Variants in NME7 observed in about 807,000 individuals in gnomAD.
NME7 encodes the protein NME/NM23 family member 7, also known as nucleoside diphosphate kinase 7.
In NME7, 41 loss-of-function variants were observed where a neutral mutation model predicts 49.1. The ratio of observed to expected loss-of-function variants is 0.83; its 90% confidence interval spans 0.65 to 1.08. The LOEUF (loss-of-function observed/expected upper bound fraction) is 1.08. NME7 is among the 50% of genes least tolerant of loss of function. The probability of loss-of-function intolerance (pLI) is 0.00; values close to 1 mark genes in which losing one functional copy is unlikely to be tolerated. For synonymous variants in NME7, 139 were observed against 150.6 expected (o/e 0.92, Z 0.56); for missense variants, 423 against 463.4 (o/e 0.91, Z 0.80).
chr1:169,366,943 A>T (rs1439432845), intron 1 of NME7, among the ~76,000 whole-genome samples: 3 of 152,210 alleles, frequency 2.0e-5, no homozygotes, highest in Non-Finnish European at 4.4e-5. Flanking sequence ...CCAGTCCGTT[A>T]TCCATAAGTG....
At chr1:169,139,888 T>A (rs1658539234) in intron 11 of NME7, among the ~76,000 whole-genome samples, 1 of 152,178 alleles carries the variant, frequency 6.6e-6, no homozygotes, top group African/African-American at 2.4e-5. Context: ...CAATATGTGA[T>A]CCCTGACTGG....
At chr1:169,305,686 C>G (rs1371513759) in intron 4 of NME7, among the ~76,000 whole-genome samples, 1 of 152,096 alleles carries the variant, frequency 6.6e-6, no homozygotes. Context: ...AGCTGGTAAC[C>G]CAAGCTCACT....
At chr1:169,262,513 G>A (rs529381388) in intron 7 of NME7, among the ~76,000 whole-genome samples, 2 of 134,206 alleles carry the variant, frequency 1.5e-5, no homozygotes, top group Admixed American at 1.5e-4. Context: ...CTCCCAGGGG[G>A]AGAAAACAAA....
At chr1:169,278,520 T>C (rs200727529) in intron 7 of NME7, among the ~76,000 whole-genome samples, 10,345 of 151,840 alleles carry the variant, frequency 0.068, 1,422 homozygotes, top group East Asian at 0.66. Context: ...GTTCTCGAGC[T>C]TTGGCTTTCA....
chr1:169,207,560 G>A (rs1660706743), intron 10 of NME7, among the ~76,000 whole-genome samples: 2 of 152,026 alleles, frequency 1.3e-5, no homozygotes, highest in Non-Finnish European at 2.9e-5. Context: ...GAAAAAAAGA[G>A]ACAACAAAGA....
intron 10 of NME7, among the ~76,000 whole-genome samples, chr1:169,189,513 C>T (rs1315319388): frequency 1.3e-5 from 2 of 151,974 alleles, no homozygotes; most frequent in African/African-American, 2.4e-5. Flanking sequence ...ATTCAGCTTT[C>T]GCAACAGGAT....
At chr1:169,320,486 A>C (rs996009381) in intron 3 of NME7, among the ~76,000 whole-genome samples, 14 of 152,220 alleles carry the variant, frequency 9.2e-5, no homozygotes, top group African/African-American at 3.4e-4. Context: ...ATTGGTTCAA[A>C]AATTTTTCTC....
At chr1:169,335,553 G>A (rs1228109114) in intron 1 of NME7, among the ~76,000 whole-genome samples, 2 of 151,736 alleles carry the variant, frequency 1.3e-5, no homozygotes, top group Non-Finnish European at 2.9e-5. Context: ...GGCCTGTTGT[G>A]GGGTGGGGGA....
intron 1 of NME7, among the ~76,000 whole-genome samples, chr1:169,336,379 C>T (rs1652475060): frequency 6.6e-6 from 1 of 152,172 alleles, no homozygotes; most frequent in African/African-American, 2.4e-5. Context: ...CTTTTATTCT[C>T]TTATCTGGCC....
chr1:169,326,026 T>G (rs568881521), intron 1 of NME7, among the ~76,000 whole-genome samples: 3 of 152,062 alleles, frequency 2.0e-5, no homozygotes, highest in East Asian at 3.9e-4. Flanking sequence ...TTATTAAAAT[T>G]TTTACTATCC....
At chr1:169,285,065 GTATGTATGTGCA>G (rs2101893307) in intron 7 of NME7, 1 of 152,264 alleles carries the variant, frequency 6.6e-6, no homozygotes, top group African/African-American at 2.4e-5. Flanking sequence ...ATACACGGGT[GTATGTATGTGCA>G]TGTGTGTGTG....
At position 169,254,813 on chromosome 1, in the gene NME7, C is replaced by T. The variant is rs1395126635; in HGVS notation, c.755-17126G>A. Among the ~76,000 whole-genome samples the T allele has an allele frequency of 5.2e-5, 7 of 133,786 alleles. 1 individual carries two copies. The highest frequency in any genetic ancestry group is 3.6e-4 in the East Asian group (1 of 2,776). 87.8% of individuals were successfully genotyped at this position (133,786 alleles called of 152,430 possible). A position where few individuals can be genotyped will look rare whatever the true frequency, so the allele number is the denominator to read the frequency against. On this transcript the variant is annotated intron_variant, in intron 7 of 11. Transcript: ENST00000367811. ...AACATCTTTATTTCTGCCTTCATTT[C>T]GCTATGTACCCAGTAGTCATTCAGG...
At chr1:169,184,284 A>G (rs960597700) in intron 10 of NME7, among the ~76,000 whole-genome samples, 1 of 152,176 alleles carries the variant, frequency 6.6e-6, no homozygotes, top group Non-Finnish European at 1.5e-5. Flanking sequence ...GCAATCTTTT[A>G]AAAAAATAAA....
At chr1:169,230,891 G>C in intron 9 of NME7, 72 bp from the exon 10 acceptor site, 1 of 1,005,232 alleles carries the variant, frequency 9.9e-7, no homozygotes, top group Non-Finnish European at 1.4e-6. Flanking sequence ...TTGTTTCACT[G>C]TTCCACTAAT....
chr1:169,140,875 G>A (rs550160597), intron 11 of NME7, among the ~76,000 whole-genome samples: 1 of 152,196 alleles, frequency 6.6e-6, no homozygotes, highest in East Asian at 1.9e-4. Flanking sequence ...CCCCACCCTG[G>A]AGAGTCTGAT....
chr1:169,350,782 C>T (rs147496525), intron 1 of NME7, among the ~76,000 whole-genome samples: 12 of 152,114 alleles, frequency 7.9e-5, no homozygotes, highest in African/African-American at 2.9e-4. Flanking sequence ...TTCTTTCCTT[C>T]GTTTGGAAAT....
At chr1:169,347,594 T>G (rs1031662370) in intron 1 of NME7, among the ~76,000 whole-genome samples, 1 of 152,158 alleles carries the variant, frequency 6.6e-6, no homozygotes, top group African/African-American at 2.4e-5. Context: ...TTATATCACC[T>G]TCTCTCTCCT....
chr1:169,350,222 A>AAAAG (rs1259098419), intron 1 of NME7, among the ~76,000 whole-genome samples: 1 of 105,752 alleles, frequency 9.5e-6, no homozygotes, highest in African/African-American at 3.9e-5. Flanking sequence ...AGAAAGGGAG[A>AAAAG]AAAGAAAGAA....
intron 1 of NME7, among the ~76,000 whole-genome samples, chr1:169,332,719 G>A (rs938455839): frequency 6.6e-6 from 1 of 152,036 alleles, no homozygotes; most frequent in Non-Finnish European, 1.5e-5. Flanking sequence ...CATATGAAAA[G>A]GTGTTCAACA....
Sources: allele counts gnomAD v4.1 joint callset (sites outside exome capture counted in the v4.1 genomes callset), GRCh38; gene constraint gnomAD v4.1.1; transcripts MANE v1.5; gene names NCBI Gene and HGNC (gene_info 2026-07-23, HGNC 2026-07-21).